The following AGPS variants were observed in gnomAD, a reference collection of about 807,000 sequenced individuals.
AGPS encodes alkyldihydroxyacetonephosphate synthase, peroxisomal.
In AGPS, 26 loss-of-function variants were observed where a neutral mutation model predicts 90.7. The observed-to-expected ratio is 0.29, with a 90% CI of 0.21 to 0.40. The LOEUF (loss-of-function observed/expected upper bound fraction) is 0.40, where lower values mean the gene tolerates loss of function less well. AGPS is among the 10% of genes least tolerant of loss of function. The pLI, the probability that AGPS is intolerant of heterozygous loss-of-function variation, is 1.00. For missense variants in AGPS, 540 were observed against 816.1 expected, an observed-to-expected ratio of 0.66 and a Z score of 4.12; for synonymous variants, 294 against 285.3, an observed-to-expected ratio of 1.03 and a Z score of -0.31.
chr2:177,514,504 C>T (rs998107474), intron 17 of AGPS, among the ~76,000 whole-genome samples: 6 of 151,722 alleles, frequency 4.0e-5, no homozygotes, highest in Non-Finnish European at 7.4e-5. Context: ...TTTCCCTTTC[C>T]TTTCCAATGA....
At chr2:177,459,985 A>G (rs1687242750) in intron 8 of AGPS, among the ~76,000 whole-genome samples, 1 of 152,262 alleles carries the variant, frequency 6.6e-6, no homozygotes, top group African/African-American at 2.4e-5. Flanking sequence ...CTATGCAGCC[A>G]TAAAAAAGGA....
chr2:177,484,264 C>G (rs1405572837), intron 11 of AGPS, among the ~76,000 whole-genome samples: 2 of 151,952 alleles, frequency 1.3e-5, no homozygotes, highest in African/African-American at 4.8e-5. Context: ...AAGGAAAATT[C>G]CATCCCCTGC....
chr2:177,513,645 A>G (rs576298055), intron 16 of AGPS, among the ~76,000 whole-genome samples, 174 bp from the exon 17 acceptor site: 74 of 152,316 alleles, frequency 4.9e-4, no homozygotes, highest in African/African-American at 1.7e-3. Flanking sequence ...GAAGTTAGGA[A>G]TGGAGGGCTC....
chr2:177,504,394 G>A (rs1256051392), intron 14 of AGPS, among the ~76,000 whole-genome samples: 3 of 151,988 alleles, frequency 2.0e-5, no homozygotes, highest in East Asian at 3.9e-4. Flanking sequence ...TCAGCTGCTT[G>A]ACCAAAGTTT....
At chr2:177,393,473 C>T (rs1574333416) in intron 1 of AGPS, 1 of 985,320 alleles carries the variant, frequency 1.0e-6, no homozygotes, top group East Asian at 1.1e-4. Flanking sequence ...CTCTCATTCG[C>T]GAAAGCCTGC....
intron 1 of AGPS, among the ~76,000 whole-genome samples, chr2:177,403,365 T>C (rs549723930): frequency 1.3e-5 from 2 of 152,216 alleles, no homozygotes; most frequent in African/African-American, 4.8e-5. Context: ...AGGGTGAAAA[T>C]ATTGATGAGA....
intron 19 of AGPS, among the ~76,000 whole-genome samples, chr2:177,534,597 T>G (rs960592132): frequency 7.7e-6 from 1 of 129,852 alleles, no homozygotes; most frequent in African/African-American, 2.8e-5. Flanking sequence ...GTTTCTTTTT[T>G]TTTTGTGAGC....
chr2:177,508,125 C>T, intron 16 of AGPS, 94 bp downstream of exon 16: 3 of 947,238 alleles, frequency 3.2e-6, no homozygotes, highest in East Asian at 4.9e-5. Flanking sequence ...AAGTTTAAAA[C>T]ATTTTATGAA....
intron 12 of AGPS, among the ~76,000 whole-genome samples, chr2:177,497,179 A>G (rs533777539): frequency 6.6e-6 from 1 of 152,176 alleles, no homozygotes; most frequent in Admixed American, 6.5e-5. Context: ...GGTGTGATTA[A>G]GGAAGCAATT....
chr2:177,460,832 G>T (rs997946759), intron 8 of AGPS, among the ~76,000 whole-genome samples: 7 of 152,104 alleles, frequency 4.6e-5, no homozygotes, highest in African/African-American at 1.7e-4. Context: ...ATTTAGTGGA[G>T]AAACTTTTAT....
At chr2:177,453,523 G>A (rs1281276844) in intron 8 of AGPS, among the ~76,000 whole-genome samples, 3 of 151,822 alleles carry the variant, frequency 2.0e-5, no homozygotes, top group Non-Finnish European at 4.4e-5. Flanking sequence ...CACTGCCTCA[G>A]CCTCCCAAAA....
At chr2:177,480,241 G>C (rs930627228) in intron 10 of AGPS, among the ~76,000 whole-genome samples, 1 of 152,062 alleles carries the variant, frequency 6.6e-6, no homozygotes, top group Admixed American at 6.5e-5. Context: ...ATACCCAAAG[G>C]ATTATAAATC....
intron 12 of AGPS, among the ~76,000 whole-genome samples, chr2:177,494,255 T>C (rs1370420106): frequency 1.3e-5 from 2 of 152,234 alleles, no homozygotes; most frequent in Non-Finnish European, 2.9e-5. Context: ...GAAACTTAAC[T>C]AAAGTCAGGT....
At chr2:177,519,376 T>C (rs552387660) in intron 17 of AGPS, among the ~76,000 whole-genome samples, 5 of 152,306 alleles carry the variant, frequency 3.3e-5, no homozygotes, top group Non-Finnish European at 2.9e-5. Context: ...CCCAATTTTC[T>C]TATTCTTTGT....
intron 8 of AGPS, among the ~76,000 whole-genome samples, chr2:177,455,558 T>A (rs1383752870): frequency 6.6e-6 from 1 of 152,056 alleles, no homozygotes; most frequent in Admixed American, 6.6e-5. Flanking sequence ...CCTCCTAAAG[T>A]GTTAGGATTA....
chr2:177,518,726 CAT>C (rs1273246064), intron 17 of AGPS, among the ~76,000 whole-genome samples: 3 of 140,324 alleles, frequency 2.1e-5, no homozygotes, highest in East Asian at 4.6e-4. Context: ...AGTAGGGACT[CAT>C]AGACATTTTA....
rs772552134 is a variant in AGPS, at chr2:177,523,811, C to T, written c.1855+6C>T. On this transcript the variant is annotated splice_donor_region_variant and intron_variant, in intron 19 of 19. Coordinates refer to ENST00000264167, the MANE Select transcript of AGPS (RefSeq NM_003659.4). ...CCTGTCACATCACCATGGAGGTATTCTTTTTTGGGAGTAGAATTTCTAATA... is the reference window on the plus strand; with the variant it reads ...CCTGTCACATCACCATGGAGGTATTTTTTTTTGGGAGTAGAATTTCTAATA... 2 of 1,610,156 alleles carry T rather than the reference C, an allele frequency of 1.2e-6. No individual in the cohort carries two copies. Among genetic ancestry groups the T allele is most frequent in the African/African-American group, 2.7e-5 (2 of 74,800 alleles).
intron 10 of AGPS, among the ~76,000 whole-genome samples, chr2:177,471,452 A>G (rs780160672): frequency 2.0e-5 from 3 of 152,208 alleles, no homozygotes; most frequent in Non-Finnish European, 2.9e-5. Flanking sequence ...TTTAGATGCT[A>G]TAACATGATC....
chr2:177,466,758 A>G lies in AGPS; in HGVS notation c.997-1658A>G, dbSNP rs146877976. 4.0e-3 allele frequency among the ~76,000 whole-genome samples: 610 copies of G among 152,210 alleles called. 1 individual carries two copies. Among genetic ancestry groups the G allele is most frequent in the South Asian group, 0.011 (53 of 4,810 alleles). ...TCTCCAAGATTGGAGCAGGCACTGG[A>G]ATGGGGAGAAGCCAGGCGGTGGAAG... On this transcript the variant is annotated intron_variant, in intron 9 of 19. Coordinates refer to ENST00000264167, the MANE Select transcript of AGPS (RefSeq NM_003659.4).
Sources: allele counts gnomAD v4.1 joint callset (sites outside exome capture counted in the v4.1 genomes callset), GRCh38; gene constraint gnomAD v4.1.1; transcripts MANE v1.5; gene names NCBI Gene and HGNC (gene_info 2026-07-23, HGNC 2026-07-21).